Variants in MIGA1 observed in about 807,000 individuals in gnomAD.
The protein encoded by MIGA1 is mitoguardin 1.
In MIGA1, 58 loss-of-function variants were observed where a neutral mutation model predicts 82.0. The observed-to-expected ratio is 0.71, with a 90% CI of 0.57 to 0.88. The LOEUF is 0.88. Among genes scored for constraint, MIGA1 ranks in the 40% least tolerant of loss-of-function variants. MIGA1 has a pLI of 0.00. For synonymous variants in MIGA1, 249 were observed against 253.6 expected (o/e 0.98, Z 0.17); for missense variants, 751 against 749.1 (o/e 1.00, Z -0.03).
intron 8 of MIGA1, among the ~76,000 whole-genome samples, chr1:77,854,280 CT>C (rs1685165510): frequency 6.6e-6 from 1 of 152,212 alleles, no homozygotes; most frequent in African/African-American, 2.4e-5. Context: ...TCTTTATCCA[CT>C]TGTCGATTGA....
chr1:77,785,635 A>T (rs1682124390), intron 2 of MIGA1, among the ~76,000 whole-genome samples: 1 of 152,058 alleles, frequency 6.6e-6, no homozygotes, highest in African/African-American at 2.4e-5. Flanking sequence ...GAGCCACTGC[A>T]CCCGGCCAGG....
intron 5 of MIGA1, chr1:77,811,310 G>A: frequency 6.2e-7 from 1 of 1,604,374 alleles, no homozygotes; most frequent in Non-Finnish European, 8.5e-7. Flanking sequence ...GGCAACCTTG[G>A]TAATAAAGTA....
chr1:77,848,651 A>C (rs1170399911), intron 8 of MIGA1: 4 of 1,570,286 alleles, frequency 2.5e-6, no homozygotes, highest in Non-Finnish European at 1.8e-6. Flanking sequence ...AGGCAAGAGA[A>C]GGGTAAAGAA....
chr1:77,853,565 T>G (rs1373764194), intron 8 of MIGA1: 1 of 163,750 alleles, frequency 6.1e-6, no homozygotes, highest in East Asian at 1.8e-4. Context: ...CTCGTCTCTA[T>G]GAAAAATTTA....
intron 7 of MIGA1, among the ~76,000 whole-genome samples, chr1:77,818,768 A>T (rs953461339): frequency 1.6e-4 from 24 of 152,040 alleles, no homozygotes; most frequent in African/African-American, 5.6e-4. Context: ...TCTCTAGAGG[A>T]AACTCTAGAT....
chr1:77,783,622 T>G (rs559898416), intron 2 of MIGA1, among the ~76,000 whole-genome samples: 70 of 152,364 alleles, frequency 4.6e-4, no homozygotes, highest in African/African-American at 1.7e-3. Context: ...GTGAATTATG[T>G]TATTCCAGTA....
chr1:77,839,638 G>A (rs552387628), intron 7 of MIGA1, among the ~76,000 whole-genome samples: 6 of 152,142 alleles, frequency 3.9e-5, no homozygotes, highest in African/African-American at 1.4e-4. Context: ...CTCCCAAAGT[G>A]TTGAGATTAC....
intron 12 of MIGA1, chr1:77,861,902 AG>A (rs1402131180): frequency 6.6e-6 from 1 of 152,362 alleles, no homozygotes; most frequent in African/African-American, 2.4e-5. Flanking sequence ...GCACTTTGGG[AG>A]GCTGAGGCGG....
intron 12 of MIGA1, among the ~76,000 whole-genome samples, chr1:77,862,937 T>C (rs1685521773): frequency 6.7e-6 from 1 of 148,810 alleles, no homozygotes; most frequent in African/African-American, 2.5e-5. Flanking sequence ...CAAGACTCTG[T>C]CTCAGAAGCA....
intron 13 of MIGA1, 35 bp from the exon 14 acceptor site, chr1:77,866,303 A>G (rs568330841): frequency 1.0e-5 from 16 of 1,570,064 alleles, no homozygotes; most frequent in African/African-American, 1.3e-5. Context: ...TTATATAGCT[A>G]TATATAAATC....
intron 7 of MIGA1, among the ~76,000 whole-genome samples, chr1:77,834,890 A>G (rs886303679): frequency 1.3e-5 from 2 of 152,218 alleles, no homozygotes; most frequent in African/African-American, 4.8e-5. Context: ...ACCTGGAGAA[A>G]AGCTGTTGAC....
At chr1:77,797,162 A>G (rs1332648027) in intron 2 of MIGA1, among the ~76,000 whole-genome samples, 1 of 152,230 alleles carries the variant, frequency 6.6e-6, no homozygotes, top group African/African-American at 2.4e-5. Context: ...ATTCCATTGT[A>G]TGAATGTACT....
chr1:77,870,260 G>A (rs1267276916), intron 14 of MIGA1, among the ~76,000 whole-genome samples: 3 of 128,120 alleles, frequency 2.3e-5, no homozygotes, highest in African/African-American at 8.6e-5. Flanking sequence ...GGTGGCTGCC[G>A]GGCGGAGACG....
chr1:77,859,409 C>T, intron 10 of MIGA1, 23 bp downstream of exon 10: 2 of 1,561,956 alleles, frequency 1.3e-6, no homozygotes, highest in Non-Finnish European at 1.8e-6. Flanking sequence ...CATTAAGTGA[C>T]TTCACCCAGC....
Position 77,815,222 on chromosome 1 carries a change from G to A in MIGA1, c.886G>A (p.Asp296Asn). 6.3e-7 allele frequency: 1 copy of A among 1,598,230 alleles called. No individual in the cohort carries two copies. Among genetic ancestry groups the A allele is most frequent in the Non-Finnish European group, 8.5e-7 (1 of 1,172,136 alleles). ...GGCATCTGATCCTAATTCCCTTGCT[G>A]ATGATATTGGTAAGATGGATATTTC... Residue 296 changes from aspartate (D) to asparagine (N), a missense_variant, in exon 7 of 16, where the codon GAT becomes AAT. Physicochemically the swap from Asp to Asn is conservative, Grantham distance 23. Transcript: ENST00000370791.
intron 8 of MIGA1, 77 bp from the exon 9 acceptor site, chr1:77,858,861 C>T: frequency 3.9e-6 from 3 of 777,196 alleles, no homozygotes; most frequent in Non-Finnish European, 6.6e-6. Flanking sequence ...TTCAAATGAT[C>T]CTCCCAAAGT....
At chr1:77,820,580 T>G (rs1683766731) in intron 7 of MIGA1, among the ~76,000 whole-genome samples, 1 of 152,126 alleles carries the variant, frequency 6.6e-6, no homozygotes, top group South Asian at 2.1e-4. Context: ...AGGAAGACCA[T>G]CATTTTACCT....
At chr1:77,819,686 C>T (rs1432918322) in intron 7 of MIGA1, among the ~76,000 whole-genome samples, 2 of 152,050 alleles carry the variant, frequency 1.3e-5, no homozygotes, top group South Asian at 2.1e-4. Flanking sequence ...TGGGCTCAAG[C>T]GATCCTCTCA....
At chr1:77,803,434 A>G in intron 4 of MIGA1, 28 bp downstream of exon 4, 1 of 1,262,002 alleles carries the variant, frequency 7.9e-7, no homozygotes. Context: ...ATTAATTTTT[A>G]AAATTTTTGT....
Sources: allele counts gnomAD v4.1 joint callset (sites outside exome capture counted in the v4.1 genomes callset), GRCh38; gene constraint gnomAD v4.1.1; transcripts MANE v1.5; gene names NCBI Gene and HGNC (gene_info 2026-07-23, HGNC 2026-07-21).